Variants in SGMS1 observed in about 807,000 individuals in gnomAD.
SGMS1 encodes the protein sphingomyelin synthase 1, also known as phosphatidylcholine:ceramide cholinephosphotransferase 1.
A neutral mutation model predicts 46.2 loss-of-function variants in SGMS1; 13 were observed. The ratio of observed to expected loss-of-function variants is 0.28; its 90% confidence interval spans 0.18 to 0.45. The LOEUF (loss-of-function observed/expected upper bound fraction) is 0.45, where lower values mean the gene tolerates loss of function less well. Ranked by LOEUF, SGMS1 falls within the 20% of genes least tolerant of loss-of-function variation. The probability of loss-of-function intolerance (pLI) is 1.00; values close to 1 mark genes in which losing one functional copy is unlikely to be tolerated. For synonymous variants in SGMS1, 203 were observed against 187.8 expected, an observed-to-expected ratio of 1.08 and a Z score of -0.66; for missense variants, 324 against 519.9, an observed-to-expected ratio of 0.62 and a Z score of 3.66.
intron 5 of SGMS1, among the ~76,000 whole-genome samples, chr10:50,441,479 G>A (rs1460549366): frequency 6.6e-6 from 1 of 152,008 alleles, no homozygotes; most frequent in African/African-American, 2.4e-5. Context: ...TTCCTAACTG[G>A]GTGGCAAGAT....
At chr10:50,375,685 C>T (rs1033814408) in intron 6 of SGMS1, among the ~76,000 whole-genome samples, 5 of 152,136 alleles carry the variant, frequency 3.3e-5, no homozygotes, top group Admixed American at 2.0e-4. Context: ...AAGTTCCACA[C>T]AGACGTGAAA....
chr10:50,486,392 A>G (rs1837521418), intron 3 of SGMS1, among the ~76,000 whole-genome samples: 1 of 152,238 alleles, frequency 6.6e-6, no homozygotes, highest in South Asian at 2.1e-4. Context: ...ACGGAACGGG[A>G]GAGAATTTGT....
chr10:50,442,214 G>A (rs1283209476), intron 5 of SGMS1, among the ~76,000 whole-genome samples: 1 of 151,018 alleles, frequency 6.6e-6, no homozygotes, highest in African/African-American at 2.4e-5. Flanking sequence ...TGAGTTCAGG[G>A]GTACATGTGC....
chr10:50,599,192 T>C (rs1838624197), intron 1 of SGMS1, among the ~76,000 whole-genome samples: 1 of 152,142 alleles, frequency 6.6e-6, no homozygotes, highest in African/African-American at 2.4e-5. Context: ...TTTCATGTGA[T>C]CAACAGAGTG....
chr10:50,390,491 C>T (rs904089953), intron 6 of SGMS1, among the ~76,000 whole-genome samples: 2 of 152,120 alleles, frequency 1.3e-5, no homozygotes, highest in Non-Finnish European at 2.9e-5. Flanking sequence ...GTCAGCTGGG[C>T]GTGGTAGCAC....
intron 2 of SGMS1, among the ~76,000 whole-genome samples, chr10:50,524,619 C>A (rs1159013399): frequency 6.6e-6 from 1 of 152,160 alleles, no homozygotes; most frequent in Non-Finnish European, 1.5e-5. Context: ...TTTAGTGCTA[C>A]TACTAAGTCT....
intron 6 of SGMS1, among the ~76,000 whole-genome samples, chr10:50,360,348 T>C (rs1848226673): frequency 6.6e-6 from 1 of 152,206 alleles, no homozygotes; most frequent in African/African-American, 2.4e-5. Context: ...ATTGTTCTAT[T>C]ATCTAGATTT....
chr10:50,355,837 T>C (rs1329667444), intron 6 of SGMS1, among the ~76,000 whole-genome samples: 2 of 151,650 alleles, frequency 1.3e-5, no homozygotes, highest in Non-Finnish European at 2.9e-5. Flanking sequence ...GGAGCGCCTC[T>C]GCCCCGCCGC....
rs192948348 is a variant in SGMS1, at chr10:50,365,350, T to C, written c.-231-21005A>G. Among the ~76,000 whole-genome samples, 247 of 151,766 alleles carry C rather than the reference T, an allele frequency of 1.6e-3. 3 individuals carry two copies. Among genetic ancestry groups the C allele is most frequent in the Admixed American group, 0.014 (216 of 15,222 alleles). Reference sequence around the variant, plus strand: ...TAGTGTTGGTAACAAATTGATAGGCTGAAAGAAAAGAACACAATTTCTTGA... The same window carrying C: ...TAGTGTTGGTAACAAATTGATAGGCCGAAAGAAAAGAACACAATTTCTTGA... On this transcript the variant is annotated intron_variant, in intron 6 of 10. Coordinates refer to ENST00000361781, the MANE Select transcript of SGMS1 (RefSeq NM_147156.4).
chr10:50,403,683 G>A (rs1848971834), intron 6 of SGMS1, among the ~76,000 whole-genome samples: 1 of 151,060 alleles, frequency 6.6e-6, no homozygotes, highest in South Asian at 2.1e-4. Flanking sequence ...AAGCTCACCT[G>A]CTCTTAAGAG....
At chr10:50,393,357 A>G (rs1308710615) in intron 6 of SGMS1, among the ~76,000 whole-genome samples, 2 of 152,164 alleles carry the variant, frequency 1.3e-5, no homozygotes, top group Non-Finnish European at 2.9e-5. Flanking sequence ...AAGAGAAAGG[A>G]AAGGCAAAAA....
chr10:50,367,723 C>T (rs2060560), intron 6 of SGMS1, among the ~76,000 whole-genome samples: 52,982 of 152,088 alleles, frequency 0.35, 9,438 homozygotes, highest in South Asian at 0.41. Flanking sequence ...TTCCACTCAC[C>T]GCTGACTGTG....
intron 3 of SGMS1, among the ~76,000 whole-genome samples, chr10:50,486,010 G>C (rs1379600957): frequency 6.6e-6 from 1 of 152,090 alleles, no homozygotes. Flanking sequence ...TTAGAAATAA[G>C]AGCAAACCTC....
chr10:50,439,310 A>C (rs1450523090), intron 5 of SGMS1, among the ~76,000 whole-genome samples: 1 of 152,116 alleles, frequency 6.6e-6, no homozygotes, highest in Non-Finnish European at 1.5e-5. Flanking sequence ...TGAGCCAGAG[A>C]CCTCTTATCT....
rs542115658 is a variant in SGMS1, at chr10:50,315,930, C to G, written c.742-4515G>C. Among the ~76,000 whole-genome samples, 13 of 152,088 alleles carry G rather than the reference C, an allele frequency of 8.5e-5. No homozygotes were observed. In the South Asian group the frequency reaches 2.1e-3, roughly 24 times the overall value. On this transcript the variant is annotated intron_variant, in intron 8 of 10. Transcript: ENST00000361781. ...AAATCACTTACACAATACCAAAGCA[C>G]AGAAAAAAAGAGCAGAAGGAAGAGG...
intron 8 of SGMS1, among the ~76,000 whole-genome samples, chr10:50,324,495 G>A (rs1847498821): frequency 6.6e-6 from 1 of 152,108 alleles, no homozygotes. Context: ...AGGCAAAGCT[G>A]TCCTCTGAGG....
chr10:50,354,775 A>G (rs1376670232), intron 6 of SGMS1, among the ~76,000 whole-genome samples: 10 of 152,346 alleles, frequency 6.6e-5, no homozygotes, highest in East Asian at 5.8e-4. Flanking sequence ...TCAAAAAGTG[A>G]GCGAAGGATA....
chr10:50,367,603 T>A (rs749068600), intron 6 of SGMS1, among the ~76,000 whole-genome samples: 6 of 149,512 alleles, frequency 4.0e-5, no homozygotes, highest in Non-Finnish European at 9.0e-5. Context: ...GATCTCTACC[T>A]AGATCTCCAC....
intron 2 of SGMS1, among the ~76,000 whole-genome samples, chr10:50,573,207 T>C (rs1260740843): frequency 2.0e-5 from 3 of 152,194 alleles, no homozygotes; most frequent in Admixed American, 2.0e-4. Context: ...ACTACTTCTA[T>C]TCAATATGGT....
Sources: gnomAD v4.1 joint callset for allele counts (sites outside exome capture counted in the v4.1 genomes callset) on GRCh38, gnomAD v4.1.1 for gene constraint, MANE v1.5 for transcripts, NCBI Gene and HGNC (gene_info 2026-07-23, HGNC 2026-07-21) for gene names.